Variants in DNAH17 observed in about 807,000 individuals in gnomAD.
DNAH17 encodes the protein dynein axonemal heavy chain 17, also known as axonemal beta dynein heavy chain 17.
Under a neutral mutation model 485.6 loss-of-function variants are expected in DNAH17, and 376 were observed. The ratio of observed to expected loss-of-function variants is 0.77; its 90% CI spans 0.71 to 0.84. The LOEUF (loss-of-function observed/expected upper bound fraction) is 0.84. Ranked by LOEUF, DNAH17 falls within the 40% of genes least tolerant of loss-of-function variation. DNAH17 has a pLI of 0.00. For synonymous variants in DNAH17, 3,031 were observed against 2,405.9 expected, an observed-to-expected ratio of 1.26 and a Z score of -7.60; for missense variants, 6,370 against 5,839.3, an observed-to-expected ratio of 1.09 and a Z score of -2.96.
Position 78,429,223 on chromosome 17 carries a change from C to G in DNAH17, c.12303G>C (p.Arg4101=). The G allele has an allele frequency of 6.2e-7, 1 of 1,613,902 alleles. No individual in the cohort carries two copies. Among genetic ancestry groups the G allele is most frequent in the Non-Finnish European group, 8.5e-7 (1 of 1,179,900 alleles). ...ATTCAGCCAGGTAGGTCCTGCACAG[C>G]CGACGGTCCCAGTCATCTGTGATGT... is the stretch of plus-strand genomic sequence containing the variant. ...GGHITDDWDR[R]LCRTYLAEYI... is the part of the protein sequence containing the mutation. The change falls in exon 76 of 81, where the codon CGG becomes CGC. Residue 4101 remains arginine (R), a synonymous_variant. Transcript: ENST00000389840.
intron 44 of DNAH17, among the ~76,000 whole-genome samples, chr17:78,486,889 T>A (rs947592896): frequency 1.3e-5 from 2 of 151,486 alleles, no homozygotes; most frequent in East Asian, 1.9e-4. Flanking sequence ...GTGGGGACAG[T>A]AAGGGAGCAG....
At position 78,500,444 on chromosome 17, in the gene DNAH17, G is replaced by A. The variant is rs930295735; in HGVS notation, c.5501C>T (p.Thr1834Ile). Residue 1834 changes from threonine (T) to isoleucine (I), a missense_variant, in exon 36 of 81, where the codon ACC becomes ATC. Physicochemically the swap from Thr to Ile is moderately conservative, Grantham distance 89. Transcript: ENST00000389840. ...PLTDRCYITL[T>I]QSLHLIMGGA... ...ACCCATGATGAGATGGAGGGACTGGGTCAGGGTGATATAGCACCTGCAAGT... is the reference window on the plus strand; with the variant it reads ...ACCCATGATGAGATGGAGGGACTGGATCAGGGTGATATAGCACCTGCAAGT... 4 of 1,595,982 alleles carry A rather than the reference G, an allele frequency of 2.5e-6. No homozygotes were observed. Among genetic ancestry groups the A allele is most frequent in the Admixed American group, 1.8e-5 (1 of 54,678 alleles).
intron 11 of DNAH17, among the ~76,000 whole-genome samples, chr17:78,566,198 G>GTAGC (rs112727485): frequency 0.018 from 2,740 of 152,252 alleles, 91 homozygotes; most frequent in African/African-American, 0.062. Flanking sequence ...GTTTGTTATA[G>GTAGC]TAGCCTGCAT....
intron 75 of DNAH17, 88 bp from the exon 76 acceptor site, chr17:78,429,388 G>T: frequency 7.0e-7 from 1 of 1,423,000 alleles, no homozygotes; most frequent in Non-Finnish European, 9.5e-7. Context: ...GCAGGGCGTG[G>T]GAACCCAGCC....
In DNAH17 at chr17:78,506,747, A is replaced by C. The variant is rs1379616683; in HGVS notation, c.4776T>G (p.Ile1592Met). The C allele has an allele frequency of 6.2e-7, 1 of 1,613,960 alleles. No individual in the cohort carries two copies. The highest frequency in any genetic ancestry group is 1.1e-5 in the South Asian group (1 of 91,080). The change falls in exon 30 of 81, where the codon ATT becomes ATG. Residue 1592 changes from isoleucine to methionine, a missense_variant. Transcript: ENST00000389840. The part of the protein sequence containing the change: ...YFVSSADLLD[I>M]LSNGNDPVEV... ...CCACGGGGTCATTGCCATTGGAGAG[A>C]ATGTCCAGGAGGTCAGCCGAGGAGA... is the stretch of plus-strand genomic sequence containing the variant.
In DNAH17 at chr17:78,444,772, T is replaced by C. The variant is rs1426292891; in HGVS notation, c.11360A>G (p.Lys3787Arg). Residue 3787 changes from lysine (K) to arginine (R), a missense_variant, in exon 71 of 81, where the codon AAA becomes AGA. Transcript: ENST00000389840. ...IKALSEMDEF[K>R]NLDSDIEGSA... ...TCCTTCGATGTCACTGTCCAGATTT[T>C]TGAACTCATCCATCTCCGAGAGGGC... 1.9e-6 allele frequency: 3 copies of C among 1,586,322 alleles called. No homozygotes were observed. The highest frequency in any genetic ancestry group is 2.6e-6 in the Non-Finnish European group (3 of 1,168,880).
chr17:78,485,825 G>T, intron 46 of DNAH17, 68 bp from the exon 47 acceptor site: 2 of 1,585,146 alleles, frequency 1.3e-6, no homozygotes, highest in Non-Finnish European at 1.7e-6. Flanking sequence ...TGGGTGTGCA[G>T]GCCATGTTCT....
At position 78,554,436 on chromosome 17, in the gene DNAH17, C is replaced by CAAAA. The variant is rs55701739; in HGVS notation, c.2179-1635_2179-1632dup. ...TGGACAATAGAATGAGACTCTGTCT[C>CAAAA]AAAAAAAAAAAAAAAAAAAAAAAAA... On this transcript the variant is annotated intron_variant, in intron 14 of 80. Coordinates refer to ENST00000389840, the MANE Select transcript of DNAH17 (RefSeq NM_173628.4). Among the ~76,000 whole-genome samples the CAAAA allele has an allele frequency of 9.0e-3, 289 of 32,260 alleles. 83 individuals are homozygous for CAAAA. The highest frequency in any genetic ancestry group is 0.012 in the Non-Finnish European group (215 of 17,982). The allele number at this position is 32,260 out of a possible 152,430, so 21.2% of individuals were successfully genotyped here.
chr17:78,452,842 A>C (rs888752873), intron 65 of DNAH17, among the ~76,000 whole-genome samples: 1 of 152,252 alleles, frequency 6.6e-6, no homozygotes, highest in African/African-American at 2.4e-5. Context: ...ATCCACAGAC[A>C]CAGAGAGCAG....
intron 44 of DNAH17, among the ~76,000 whole-genome samples, chr17:78,487,255 T>A (rs1340805435): frequency 1.3e-5 from 2 of 152,182 alleles, no homozygotes; most frequent in Non-Finnish European, 2.9e-5. Flanking sequence ...AGTCCCTGGT[T>A]TCTCATCTGT....
chr17:78,520,152 T>C (rs555887753), intron 25 of DNAH17, among the ~76,000 whole-genome samples: 1 of 152,022 alleles, frequency 6.6e-6, no homozygotes, highest in Non-Finnish European at 1.5e-5. Context: ...CTTAGCAGAC[T>C]AAACAAAAAT....
intron 73 of DNAH17, 143 bp downstream of exon 73, chr17:78,438,947 T>C (rs1055444192): frequency 1.6e-6 from 2 of 1,261,688 alleles, no homozygotes; most frequent in African/African-American, 3.0e-5. Flanking sequence ...TGGGGATGCC[T>C]CCTCCTTCAG....
At chr17:78,445,716 C>A (rs778456952) in intron 69 of DNAH17, 36 bp from the exon 70 acceptor site, 2 of 1,577,326 alleles carry the variant, frequency 1.3e-6, no homozygotes, top group Non-Finnish European at 1.7e-6. Context: ...CTTAACGCAG[C>A]CAGTAAAACG....
At position 78,424,118 on chromosome 17, in the gene DNAH17, C is replaced by T; in HGVS notation, c.13177G>A (p.Glu4393Lys). 3 of 1,613,516 alleles carry T rather than the reference C, an allele frequency of 1.9e-6. No individual in the cohort carries two copies. Among genetic ancestry groups the T allele is most frequent in the South Asian group, 2.2e-5 (2 of 91,086 alleles). ...RWDTQTGVIA[E>K]ARLKELTPAM... ...GGGGTCAGCTCTTTCAGCCGCGCTT[C>T]AGCGATGACTCCAGTCTGGGTGTCC... is the stretch of plus-strand genomic sequence containing the variant. Residue 4393 changes from glutamate to lysine, a missense_variant, in exon 81 of 81, where the codon GAA becomes AAA. Coordinates refer to ENST00000389840, the MANE Select transcript of DNAH17 (RefSeq NM_173628.4).
chr17:78,570,138 G>C, intron 7 of DNAH17, 109 bp downstream of exon 7: 1 of 1,280,196 alleles, frequency 7.8e-7, no homozygotes, highest in East Asian at 2.6e-5. Context: ...CTGACATCTT[G>C]GCCTGCTTTC....
chr17:78,459,694 G>A, intron 60 of DNAH17, 90 bp downstream of exon 60: 2 of 1,434,944 alleles, frequency 1.4e-6, no homozygotes, highest in Admixed American at 1.8e-5. Context: ...GGCCCCAAGA[G>A]CCTGAGGCCA....
Position 78,445,350 on chromosome 17 carries a change from G to C in DNAH17, c.11334+208C>G, listed in dbSNP as rs576691945. On this transcript the variant is annotated intron_variant, in intron 70 of 80. Transcript: ENST00000389840. ...TGCAGGTCTCAGGGACCTAACACATGTCACATTCCCTATAGGAACGCAGAG... is the reference window on the plus strand; with the variant it reads ...TGCAGGTCTCAGGGACCTAACACATCTCACATTCCCTATAGGAACGCAGAG... 5.9e-5 allele frequency among the ~76,000 whole-genome samples: 9 copies of C among 152,268 alleles called. No individual in the cohort carries two copies. In the East Asian group the frequency reaches 1.7e-3, roughly 29 times the overall value.
At chr17:78,428,976 C>G (rs1327887290) in intron 76 of DNAH17, 145 bp downstream of exon 76, 4 of 820,920 alleles carry the variant, frequency 4.9e-6, no homozygotes, top group African/African-American at 1.7e-5. Flanking sequence ...GTGCTTCTTC[C>G]AAGTGAGACG....
intron 80 of DNAH17, 155 bp downstream of exon 80, chr17:78,425,191 C>G (rs2086384798): frequency 1.4e-6 from 1 of 715,554 alleles, no homozygotes; most frequent in Non-Finnish European, 2.3e-6. Flanking sequence ...CAGCGTGGCT[C>G]TGACCTGCAG....
Sources: gnomAD v4.1 joint callset for allele counts (sites outside exome capture counted in the v4.1 genomes callset) on GRCh38, gnomAD v4.1.1 for gene constraint, MANE v1.5 for transcripts, NCBI Gene and HGNC (gene_info 2026-07-23, HGNC 2026-07-21) for gene names.